Variants in BMX observed in about 807,000 individuals in gnomAD.
The protein encoded by BMX is BMX non-receptor tyrosine kinase.
Under a neutral mutation model 59.2 loss-of-function variants are expected in BMX, and 31 were observed. That is an observed-to-expected ratio of 0.52 (90% CI 0.39 to 0.71). BMX has a LOEUF of 0.71. Among genes scored for constraint, BMX ranks in the 30% least tolerant of loss-of-function variants. The pLI, the probability that BMX is intolerant of heterozygous loss-of-function variation, is 0.00. For synonymous variants in BMX, 185 were observed against 181.0 expected, an observed-to-expected ratio of 1.02 and a Z score of -0.18; for missense variants, 474 against 491.7, an observed-to-expected ratio of 0.96 and a Z score of 0.34.
intron 4 of BMX, among the ~76,000 whole-genome samples, chrX:15,515,521 A>G (rs1197498776): frequency 2.7e-5 from 3 of 111,210 alleles, no homozygotes; most frequent in African/African-American, 9.8e-5. Context: ...TATAATAATG[A>G]TTTTAAAATT....
intron 16 of BMX, 50 bp downstream of exon 16, chrX:15,543,185 A>G (rs774459598): frequency 9.1e-7 from 1 of 1,102,072 alleles, no homozygotes; most frequent in African/African-American, 1.8e-5. Context: ...TTCCATTCAC[A>G]TTTGAACACC....
chrX:15,544,453 C>G (rs1375812862), intron 16 of BMX, among the ~76,000 whole-genome samples: 1 of 111,506 alleles, frequency 9.0e-6, no homozygotes, highest in Non-Finnish European at 1.9e-5. Flanking sequence ...CAGGGAGAAG[C>G]TCCCAGGTCA....
At chrX:15,536,215 TTC>T (rs1224833772) in intron 12 of BMX, 136 bp from the exon 13 acceptor site, 1 of 532,598 alleles carries the variant, frequency 1.9e-6, no homozygotes, top group Non-Finnish European at 3.0e-6. Context: ...ACTGAATGGA[TTC>T]TCTCTCTGCA....
intron 9 of BMX, among the ~76,000 whole-genome samples, chrX:15,528,709 C>G (rs1009120854): frequency 1.8e-5 from 2 of 111,690 alleles, no homozygotes; most frequent in East Asian, 5.6e-4. Flanking sequence ...GCTGCTCTGT[C>G]ATTGAATACT....
Position 15,534,337 on chromosome X carries a change from C to T in BMX, c.1145C>T (p.Ala382Val). 1 of 1,161,305 alleles carries T rather than the reference C, an allele frequency of 8.6e-7. No homozygotes were observed. The highest frequency in any genetic ancestry group is 2.7e-5 in the Admixed American group (1 of 37,355). ...KLIHYHQHNS[A>V]GMITRLRHPV... ...ATTCATTATCATCAACACAATTCAG[C>T]AGGTAACTTATTTTAGTTTTTCTTT... The change falls in exon 12 of 19, where the codon GCA (alanine) becomes GTA (valine). Residue 382 changes from alanine to valine, a missense_variant and splice_region_variant. Physicochemically the swap from Ala to Val is moderately conservative, Grantham distance 64. Transcript: ENST00000348343.
chrX:15,555,995 G>A, intron 18 of BMX, 78 bp from the exon 19 acceptor site: 2 of 978,808 alleles, frequency 2.0e-6, no homozygotes, highest in Non-Finnish European at 2.8e-6. Context: ...GGACTTAGAT[G>A]TAAATATTTT....
At chrX:15,517,657 T>C (rs1306493046) in intron 5 of BMX, among the ~76,000 whole-genome samples, 1 of 112,614 alleles carries the variant, frequency 8.9e-6, no homozygotes, top group Non-Finnish European at 1.9e-5. Flanking sequence ...GGGAAGTCCA[T>C]GGGCATAACA....
intron 14 of BMX, among the ~76,000 whole-genome samples, chrX:15,539,977 TTGG>T (rs1378694013): frequency 8.9e-6 from 1 of 112,326 alleles, no homozygotes; most frequent in Non-Finnish European, 1.9e-5. Flanking sequence ...TTTTACACTG[TTGG>T]TGGGAGTGTA....
At chrX:15,537,883 C>T (rs535159236) in intron 14 of BMX, among the ~76,000 whole-genome samples, 16 of 110,872 alleles carry the variant, frequency 1.4e-4, no homozygotes, top group African/African-American at 5.2e-4. Flanking sequence ...CATATAGGGT[C>T]GGAGTAGGCA....
In BMX at chrX:15,518,083, T is replaced by G; in HGVS notation, c.510+90T>G. 3 of 739,141 alleles carry G rather than the reference T, an allele frequency of 4.1e-6. No individual in the cohort carries two copies. In the Admixed American group the frequency reaches 8.9e-5, roughly 22 times the overall value. The allele number at this position is 739,141 out of a possible 1,213,427, so 60.9% of individuals were successfully genotyped here. Reference sequence around the variant, plus strand: ...GATTCAAGACTAGAAAATGTGGAATTCATTTAGACTTCTCAGCAAAGAGAG... The same window carrying G: ...GATTCAAGACTAGAAAATGTGGAATGCATTTAGACTTCTCAGCAAAGAGAG... On this transcript the variant is annotated intron_variant, in intron 6 of 18. Coordinates refer to ENST00000348343, the MANE Select transcript of BMX (RefSeq NM_203281.3).
intron 14 of BMX, 127 bp from the exon 15 acceptor site, chrX:15,541,855 T>C (rs1449713692): frequency 1.6e-6 from 1 of 634,944 alleles, no homozygotes; most frequent in African/African-American, 2.2e-5. Flanking sequence ...TCCCTCTCTT[T>C]CTCTGTTCAA....
intron 3 of BMX, among the ~76,000 whole-genome samples, chrX:15,510,497 G>A (rs767368503): frequency 1.8e-5 from 2 of 111,062 alleles, no homozygotes; most frequent in Admixed American, 9.6e-5. Context: ...GCAACATAGC[G>A]AGACCTCATC....
intron 8 of BMX, among the ~76,000 whole-genome samples, 190 bp downstream of exon 8, chrX:15,525,555 A>G (rs1483423144): frequency 8.9e-6 from 1 of 111,856 alleles, no homozygotes; most frequent in Non-Finnish European, 1.9e-5. Context: ...TGAACTGACT[A>G]TTCCTAGCCA....
intron 6 of BMX, among the ~76,000 whole-genome samples, chrX:15,519,124 G>C (rs1009394072): frequency 9.0e-6 from 1 of 111,691 alleles, no homozygotes; most frequent in Admixed American, 9.5e-5. Context: ...TTCCCAGGCA[G>C]GTGTGAGCCT....
chrX:15,517,866 A>G, intron 5 of BMX, 63 bp from the exon 6 acceptor site: 1 of 968,710 alleles, frequency 1.0e-6, no homozygotes, highest in East Asian at 3.1e-5. Context: ...AATTCATAAC[A>G]TTGAGTGTTT....
chrX:15,522,432 G>T lies in BMX; in HGVS notation c.597G>T (p.Lys199Asn). The change falls in exon 7 of 19, where the codon AAG becomes AAT. Residue 199 changes from lysine to asparagine, a missense_variant. Coordinates refer to ENST00000348343, the MANE Select transcript of BMX (RefSeq NM_203281.3). ...TTLAQYDNES[K>N]KNYGSQPPSS... ...TAGCCCAATATGACAACGAATCAAA[G>T]AAAAACTATGGCTCCCAGCCACCAT... 1.7e-6 allele frequency: 2 copies of T among 1,211,984 alleles called. No individual in the cohort carries two copies. The highest frequency in any genetic ancestry group is 1.7e-5 in the African/African-American group (1 of 57,854).
At chrX:15,525,466 G>T in intron 8 of BMX, 101 bp downstream of exon 8, 1 of 858,921 alleles carries the variant, frequency 1.2e-6, no homozygotes, top group Non-Finnish European at 1.7e-6. Flanking sequence ...TTCTACTTAA[G>T]GTAAATATAA....
intron 10 of BMX, among the ~76,000 whole-genome samples, chrX:15,530,750 G>C (rs1169077348): frequency 8.9e-6 from 1 of 112,242 alleles, no homozygotes; most frequent in Non-Finnish European, 1.9e-5. Flanking sequence ...AATTGATATG[G>C]AATGCCAGTA....
rs1925711585 is a variant in BMX at position 15,542,003 on chromosome X, G to A, written c.1416G>A (p.Leu472=). The A allele has an allele frequency of 7.4e-6, 9 of 1,208,079 alleles. No individual in the cohort carries two copies. Among genetic ancestry groups the A allele is most frequent in the Non-Finnish European group, 1.0e-5 (9 of 894,615 alleles). ...QTMMKLSHPK[L]VKFYGVCSKE... ...CCAGGAAACTCAGCCATCCCAAGCTGGTTAAATTCTATGGAGTGTGTTCAA... is the reference window on the plus strand; with the variant it reads ...CCAGGAAACTCAGCCATCCCAAGCTAGTTAAATTCTATGGAGTGTGTTCAA... Residue 472 remains leucine (L), a synonymous_variant, in exon 15 of 19, where the codon CTG becomes CTA. Transcript: ENST00000348343.
Sources: gnomAD v4.1 joint callset for allele counts (sites outside exome capture counted in the v4.1 genomes callset) on GRCh38, gnomAD v4.1.1 for gene constraint, MANE v1.5 for transcripts, NCBI Gene and HGNC (gene_info 2026-07-23, HGNC 2026-07-21) for gene names.